Variants in DOCK9 observed in about 807,000 individuals in gnomAD.
DOCK9 encodes dedicator of cytokinesis 9, also known as dedicator of cytokinesis protein 9.
DOCK9 carries 89 observed loss-of-function variants against 263.3 expected under a neutral mutation model. That is an observed-to-expected ratio of 0.34 (90% CI 0.28 to 0.40). The LOEUF (loss-of-function observed/expected upper bound fraction) is 0.40. DOCK9 is among the 10% of genes least tolerant of loss of function. The pLI is 1.00. For missense variants in DOCK9, 2,140 were observed against 2,603.4 expected, an observed-to-expected ratio of 0.82 and a Z score of 3.87; for synonymous variants, 976 against 973.1, an observed-to-expected ratio of 1.00 and a Z score of -0.06.
chr13:99,088,609 AAAC>A (rs1319986623), upstream of DOCK9: 7 of 152,194 alleles, frequency 4.6e-5, no homozygotes, highest in African/African-American at 9.7e-5. Context: ...TTTAAATTAA[AAAC>A]AACAACAAAA....
intron 14 of DOCK9, among the ~76,000 whole-genome samples, chr13:98,897,965 C>T (rs1448664507): frequency 2.0e-5 from 3 of 152,194 alleles, no homozygotes; most frequent in Non-Finnish European, 2.9e-5. Context: ...CTAACACTAC[C>T]GTGCACCCTG....
At position 98,895,210 on chromosome 13, in the gene DOCK9, CTA is replaced by C. The variant is rs566828256; in HGVS notation, c.1709+2276_1709+2277del. Among the ~76,000 whole-genome samples the C allele has an allele frequency of 1.3e-4, 20 of 150,370 alleles. No individual in the cohort carries two copies. The South Asian group carries it at 4.2e-3, about 32-fold the overall frequency. ...ATAATCTATGGTCTATCTCAATGGA[CTA>C]TTATAATATTTATGCATTAAAAATG... is the stretch of plus-strand genomic sequence containing the variant. On this transcript the variant is annotated intron_variant, in intron 15 of 52. Transcript: ENST00000682017.
intron 1 of DOCK9, among the ~76,000 whole-genome samples, chr13:99,005,604 T>A (rs917478743): frequency 6.6e-6 from 1 of 152,148 alleles, no homozygotes; most frequent in Non-Finnish European, 1.5e-5. Context: ...AACATGGGAC[T>A]GGGAAAAATG....
chr13:98,880,027 G>A (rs895144329), intron 26 of DOCK9, 58 bp from the exon 27 acceptor site: 4 of 1,321,398 alleles, frequency 3.0e-6, no homozygotes, highest in Non-Finnish European at 3.2e-6. Flanking sequence ...GGTAAGACAT[G>A]AACTCTCTCA....
chr13:99,069,373 A>G (rs9557129), intron 1 of DOCK9, among the ~76,000 whole-genome samples: 96,697 of 152,060 alleles, frequency 0.64, 31,235 homozygotes, highest in East Asian at 0.9. Flanking sequence ...AGAAACATGA[A>G]TATCAATTTC....
chr13:98,872,219 C>T (rs779636732), intron 27 of DOCK9, among the ~76,000 whole-genome samples: 6 of 152,084 alleles, frequency 3.9e-5, no homozygotes, highest in South Asian at 2.1e-4. Context: ...TACTGCTTTC[C>T]GACGTAAATA....
chr13:99,025,589 G>A (rs1004764167), intron 1 of DOCK9, among the ~76,000 whole-genome samples: 4 of 152,132 alleles, frequency 2.6e-5, no homozygotes, highest in African/African-American at 4.8e-5. Context: ...TAGAACCCTC[G>A]CACACTGCTG....
intron 50 of DOCK9, 67 bp downstream of exon 50, chr13:98,800,221 C>T (rs1566510478): frequency 1.5e-5 from 22 of 1,476,920 alleles, no homozygotes; most frequent in East Asian, 2.5e-5. Context: ...TTAGTGGAAA[C>T]GACTCTCAAG....
chr13:98,826,495 C>G (rs2092544710), intron 44 of DOCK9, among the ~76,000 whole-genome samples: 1 of 152,164 alleles, frequency 6.6e-6, no homozygotes, highest in Non-Finnish European at 1.5e-5. Context: ...TTTTTGATTG[C>G]CTAAACATTC....
intron 1 of DOCK9, among the ~76,000 whole-genome samples, chr13:98,961,723 C>T (rs1258533121): frequency 3.3e-5 from 5 of 151,800 alleles, no homozygotes; most frequent in Non-Finnish European, 7.4e-5. Flanking sequence ...CAGCATCCCA[C>T]TCAGGCCCCA....
intron 27 of DOCK9, among the ~76,000 whole-genome samples, chr13:98,878,333 T>C (rs78408769): frequency 0.03 from 4,520 of 152,326 alleles, 213 homozygotes; most frequent in African/African-American, 0.1. Context: ...AAATGTATAA[T>C]TTACCATCTT....
At chr13:99,010,451 T>G (rs1008569608) in intron 1 of DOCK9, among the ~76,000 whole-genome samples, 3 of 152,260 alleles carry the variant, frequency 2.0e-5, no homozygotes, top group Non-Finnish European at 4.4e-5. Flanking sequence ...TCCTTTCCTG[T>G]CCTCAGGCAG....
In DOCK9 at chr13:98,807,645, C is replaced by G; in HGVS notation, c.5514+16G>C. ...AACATTACATTGCTATGAAACTTAT[C>G]CAAACATGGTCATACCTTGCCAGAA... On this transcript the variant is annotated intron_variant, in intron 48 of 52. Coordinates refer to ENST00000682017, the MANE Select transcript of DOCK9 (RefSeq NM_001366683.2). 4 of 1,580,452 alleles carry G rather than the reference C, an allele frequency of 2.5e-6. No individual in the cohort carries two copies. The highest frequency in any genetic ancestry group is 3.5e-6 in the Non-Finnish European group (4 of 1,156,980).
intron 1 of DOCK9, among the ~76,000 whole-genome samples, chr13:99,003,843 G>A (rs1338702024): frequency 6.6e-6 from 1 of 152,144 alleles, no homozygotes; most frequent in Non-Finnish European, 1.5e-5. Flanking sequence ...TACAGTATGA[G>A]ATTCATTAAA....
At chr13:98,930,452 G>A (rs1075386) in intron 2 of DOCK9, among the ~76,000 whole-genome samples, 195 bp from the exon 3 acceptor site, 22,395 of 152,136 alleles carry the variant, frequency 0.15, 1,828 homozygotes, top group South Asian at 0.21. Context: ...AAGCCAGGCT[G>A]GGTTACAGCT....
chr13:99,030,312 T>A (rs1887197383), intron 1 of DOCK9, among the ~76,000 whole-genome samples: 1 of 152,194 alleles, frequency 6.6e-6, no homozygotes. Flanking sequence ...ATGAAATAAA[T>A]CATAAGAAAC....
Position 98,860,506 on chromosome 13 carries a change from G to A in DOCK9, c.3596C>T (p.Ser1199Phe), listed in dbSNP as rs746473769. The change falls in exon 33 of 53, where the codon TCC (serine) becomes TTC (phenylalanine). Residue 1199 changes from serine (S) to phenylalanine (F), a missense_variant. By Grantham distance (155) the Ser-to-Phe change is radical. This residue lies in a region of DOCK9 where 1,521 missense variants were observed against 1,741.7 expected (regional missense o/e 0.87). Coordinates refer to ENST00000682017, the MANE Select transcript of DOCK9 (RefSeq NM_001366683.2). ...CGGATTCACAGCTGGTAGAGCCAGG[G>A]ATTCATCCTTCACAGTCTGTCAAGG... ...VNAGMTVKDE[S>F]LALPAVNPLV... 2.5e-5 allele frequency: 39 copies of A among 1,571,642 alleles called. No individual in the cohort carries two copies. Among genetic ancestry groups the A allele is most frequent in the Non-Finnish European group, 5.2e-6 (6 of 1,157,086 alleles).
intron 1 of DOCK9, among the ~76,000 whole-genome samples, chr13:99,050,407 T>C (rs542911279): frequency 5.9e-5 from 9 of 152,178 alleles, no homozygotes; most frequent in Middle Eastern, 3.4e-3. Flanking sequence ...CCAATCAACA[T>C]GTCATGACCG....
At chr13:99,051,948 A>G (rs2142214470) in intron 1 of DOCK9, among the ~76,000 whole-genome samples, 1 of 152,212 alleles carries the variant, frequency 6.6e-6, no homozygotes, top group East Asian at 1.9e-4. Flanking sequence ...CACAGGAAAC[A>G]CCACATATGA....
Sources: allele counts gnomAD v4.1 joint callset (sites outside exome capture counted in the v4.1 genomes callset), GRCh38; gene constraint gnomAD v4.1.1; regional missense constraint gnomAD v4.1.1; transcripts MANE v1.5; gene names NCBI Gene and HGNC (gene_info 2026-07-23, HGNC 2026-07-21).